Variants in DPF3 observed in about 807,000 individuals in gnomAD.
The protein encoded by DPF3 is zinc finger protein DPF3.
DPF3 carries 18 observed loss-of-function variants against 56.8 expected under a neutral mutation model. The observed-to-expected ratio is 0.32, with a 90% CI of 0.22 to 0.47. DPF3 has a LOEUF of 0.47. DPF3 is among the 20% of genes least tolerant of loss of function. The pLI is 1.00. For missense variants in DPF3, 403 were observed against 488.8 expected (o/e 0.82, Z 1.65); for synonymous variants, 188 against 180.2 (o/e 1.04, Z -0.35).
chr14:72,689,109 C>T (rs937055637), intron 7 of DPF3, among the ~76,000 whole-genome samples: 1 of 150,264 alleles, frequency 6.7e-6, no homozygotes, highest in Non-Finnish European at 1.5e-5. Context: ...TGGGCGGGGG[C>T]GGGGAAGGTC....
intron 3 of DPF3, among the ~76,000 whole-genome samples, chr14:72,733,369 G>T (rs935919709): frequency 9.9e-5 from 15 of 152,016 alleles, no homozygotes; most frequent in African/African-American, 3.4e-4. Context: ...GTGATTAAGG[G>T]ATCTGACAAG....
At chr14:72,822,478 GA>G (rs1325479266) in intron 1 of DPF3, among the ~76,000 whole-genome samples, 3 of 151,644 alleles carry the variant, frequency 2.0e-5, no homozygotes, top group African/African-American at 4.8e-5. Context: ...TTTGAAGGGA[GA>G]AAAAAATAAA....
At chr14:72,861,030 C>T (rs1234905266) in intron 1 of DPF3, among the ~76,000 whole-genome samples, 1 of 1,122 alleles carries the variant, frequency 8.9e-4, no homozygotes, top group Non-Finnish European at 1.5e-3. Context: ...TCACTATACA[C>T]ACACACACAC....
intron 6 of DPF3, among the ~76,000 whole-genome samples, chr14:72,701,271 C>G (rs1023837641): frequency 6.6e-6 from 1 of 152,186 alleles, no homozygotes; most frequent in Non-Finnish European, 1.5e-5. Context: ...CCTTGGCAAG[C>G]GTGCACCTGG....
At chr14:72,885,374 GTTTGTTTGTTT>G (rs1886504593) in intron 1 of DPF3, among the ~76,000 whole-genome samples, 1 of 8,674 alleles carries the variant, frequency 1.2e-4, no homozygotes, top group Non-Finnish European at 2.5e-4. Context: ...TTTTGGGTTT[GTTTGTTTGTTT>G]GTTTGTTTGT....
At chr14:72,772,994 C>G (rs2139946675) in intron 1 of DPF3, among the ~76,000 whole-genome samples, 1 of 151,992 alleles carries the variant, frequency 6.6e-6, no homozygotes, top group East Asian at 1.9e-4. Context: ...TCTGAAGCAA[C>G]ATTATGATAT....
In DPF3 at chr14:72,894,096, CA is replaced by C; in HGVS notation, c.-9del. On this transcript the variant is annotated 5_prime_UTR_variant, in exon 1 of 11. In the 5' UTR this introduces an upstream ATG that the reference lacks. Coordinates refer to ENST00000556509, the MANE Select transcript of DPF3 (RefSeq NM_001280542.3). ...GTGAATGACAGTCGCCATTTTGCTA[CA>C]ATGTAACAGAATATTGTCTCAGAGT... 1 of 1,517,036 alleles carries C rather than the reference CA, an allele frequency of 6.6e-7. No individual in the cohort carries two copies. The highest frequency in any genetic ancestry group is 8.8e-7 in the Non-Finnish European group (1 of 1,142,674). The allele number at this position is 1,517,036 out of a possible 1,614,324, so 94.0% of individuals were successfully genotyped here. A position where few individuals can be genotyped will look rare whatever the true frequency, so the allele number is the denominator to read the frequency against.
chr14:72,736,933 G>A (rs977722473), intron 3 of DPF3, among the ~76,000 whole-genome samples: 3 of 151,382 alleles, frequency 2.0e-5, no homozygotes, highest in African/African-American at 4.9e-5. Flanking sequence ...CCCATGGATC[G>A]TTACTCTCTC....
intron 1 of DPF3, among the ~76,000 whole-genome samples, chr14:72,791,217 A>C (rs1892416446): frequency 6.6e-6 from 1 of 151,880 alleles, no homozygotes; most frequent in African/African-American, 2.4e-5. Context: ...GTTACTAAAC[A>C]CTCCTCAGTT....
At chr14:72,874,383 G>A (rs1886027338) in intron 1 of DPF3, among the ~76,000 whole-genome samples, 1 of 151,810 alleles carries the variant, frequency 6.6e-6, no homozygotes, top group African/African-American at 2.4e-5. Context: ...AAAGGCTAAG[G>A]CAGGAGAATC....
intron 8 of DPF3, among the ~76,000 whole-genome samples, chr14:72,657,530 A>C (rs1403817827): frequency 6.6e-6 from 1 of 152,150 alleles, no homozygotes; most frequent in Non-Finnish European, 1.5e-5. Context: ...GCCATGAAAT[A>C]GTTTACAGTA....
At chr14:72,800,486 TTGGATGGATGGATGGATGCA>T (rs1892834791) in intron 1 of DPF3, among the ~76,000 whole-genome samples, 1 of 119,822 alleles carries the variant, frequency 8.3e-6, no homozygotes, top group South Asian at 2.8e-4. Context: ...GCATGGATGC[TTGGATGGATGGATGGATGCA>T]TGGATGGATG....
intron 5 of DPF3, among the ~76,000 whole-genome samples, chr14:72,720,727 C>T (rs1300106326): frequency 6.6e-6 from 1 of 152,216 alleles, no homozygotes; most frequent in Non-Finnish European, 1.5e-5. Context: ...GTGTTCAAAT[C>T]TTAGCCTCTT....
intron 1 of DPF3, among the ~76,000 whole-genome samples, chr14:72,845,679 T>G (rs1884721153): frequency 6.6e-6 from 1 of 152,196 alleles, no homozygotes; most frequent in Admixed American, 6.5e-5. Flanking sequence ...TTAAAGCTCC[T>G]GGGACCACAG....
intron 1 of DPF3, among the ~76,000 whole-genome samples, chr14:72,777,182 G>A (rs1041137573): frequency 1.3e-5 from 2 of 152,144 alleles, no homozygotes; most frequent in Non-Finnish European, 2.9e-5. Context: ...TTTTCCTGCT[G>A]TCTCACTCAG....
At position 72,619,424 on chromosome 14, in the gene DPF3, C is replaced by T. The variant is rs543444811; in HGVS notation, c.1067-57G>A. The T allele has an allele frequency of 8.4e-5, 127 of 1,510,052 alleles. No homozygotes were observed. The South Asian group carries it at 1.4e-3, about 16-fold the overall frequency. The allele number at this position is 1,510,052 out of a possible 1,614,324, so 93.5% of individuals were successfully genotyped here. ...CCCTCTGCTAACTCTGGAGCCCCAC[C>T]CCACTGGCCCTAACTTCTTGTAAAT... On this transcript the variant is annotated intron_variant, in intron 10 of 10. Transcript: ENST00000556509.
intron 1 of DPF3, among the ~76,000 whole-genome samples, chr14:72,883,003 G>A (rs554008726): frequency 6.6e-6 from 1 of 152,312 alleles, no homozygotes; most frequent in Non-Finnish European, 1.5e-5. Context: ...AGTTCTCAGG[G>A]GCAGGCAGGC....
chr14:72,658,768 G>A (rs1402879060), intron 8 of DPF3, among the ~76,000 whole-genome samples: 2 of 152,086 alleles, frequency 1.3e-5, no homozygotes, highest in Non-Finnish European at 2.9e-5. Flanking sequence ...ATAGATTAAG[G>A]CAAAGATCCG....
intron 1 of DPF3, among the ~76,000 whole-genome samples, chr14:72,812,566 G>A (rs542976101): frequency 1.1e-3 from 168 of 152,262 alleles, no homozygotes; most frequent in African/African-American, 3.9e-3. Context: ...AGAGCCACCT[G>A]AGCTGCACCT....
Sources: gnomAD v4.1 joint callset for allele counts (sites outside exome capture counted in the v4.1 genomes callset) on GRCh38, gnomAD v4.1.1 for gene constraint, MANE v1.5 for transcripts, NCBI Gene and HGNC (gene_info 2026-07-23, HGNC 2026-07-21) for gene names.